RET: variants seen among roughly 807,000 people sequenced by gnomAD.
RET encodes the protein proto-oncogene tyrosine-protein kinase receptor Ret.
RET carries 19 observed loss-of-function variants against 118.3 expected under a neutral mutation model. The ratio of observed to expected loss-of-function variants is 0.16; its 90% CI spans 0.11 to 0.24. The LOEUF is 0.24. Ranked by LOEUF, RET falls within the 10% of genes least tolerant of loss-of-function variation. The pLI, the probability that RET is intolerant of heterozygous loss-of-function variation, is 1.00. For synonymous variants in RET, 597 were observed against 644.1 expected (o/e 0.93, Z 1.11); for missense variants, 1,219 against 1,502.1 (o/e 0.81, Z 3.12).
At position 43,104,969 on chromosome 10, in the gene RET, C is replaced by G; in HGVS notation, c.643C>G (p.Arg215Gly). 1 of 1,571,046 alleles carries G rather than the reference C, an allele frequency of 6.4e-7. No homozygotes were observed. Among genetic ancestry groups the G allele is most frequent in the African/African-American group, 1.3e-5 (1 of 74,554 alleles). Residue 215 changes from arginine to glycine, a missense_variant, in exon 4 of 20, where the codon CGC becomes GGC. Physicochemically the swap from Arg to Gly is moderately radical, Grantham distance 125. This residue lies in a region of RET where 850 missense variants were observed against 969.6 expected (regional missense o/e 0.88). Coordinates refer to ENST00000355710, the MANE Select transcript of RET (RefSeq NM_020975.6). ...GTGCGCAGGTGAGGGTCTGCCCTTC[C>G]GCTGCGCCCCGGACAGCCTGGAGGT... is the stretch of plus-strand genomic sequence containing the variant. Reference protein sequence around the residue: ...RLLEGEGLPFRCAPDSLEVST... With the variant: ...RLLEGEGLPFGCAPDSLEVST...
At chr10:43,110,107 C>G (rs979627745) in intron 6 of RET, among the ~76,000 whole-genome samples, 2 of 152,174 alleles carry the variant, frequency 1.3e-5, no homozygotes, top group Non-Finnish European at 2.9e-5. Context: ...CCTCCTTGGC[C>G]TTTAATGGGA....
At position 43,121,656 on chromosome 10, in the gene RET, A is replaced by G. The variant is rs2565202; in HGVS notation, c.2731-290A>G. The stretch of plus-strand genomic sequence containing the variant: ...TGCAGGGGGAGTTCCAGGCCCATGC[A>G]TAGGGAAGCACTGCTCTGCACTACC... On this transcript the variant is annotated intron_variant, in intron 15 of 19. Transcript: ENST00000355710. Among the ~76,000 whole-genome samples, 85,812 of 152,030 alleles carry G rather than the reference A, an allele frequency of 0.56. 24,790 individuals carry two copies. Among genetic ancestry groups the G allele is most frequent in the African/African-American group, 0.63 (25,935 of 41,460 alleles).
chr10:43,122,776 T>C (rs1838246592), intron 16 of RET, among the ~76,000 whole-genome samples: 1 of 152,100 alleles, frequency 6.6e-6, no homozygotes, highest in Admixed American at 6.5e-5. Context: ...CCTGGCTCAT[T>C]TTTTTGTATT....
chr10:43,111,196 T>C lies in RET; in HGVS notation c.1264-11T>C. On this transcript the variant is annotated splice_polypyrimidine_tract_variant and intron_variant, in intron 6 of 19. Coordinates refer to ENST00000355710, the MANE Select transcript of RET (RefSeq NM_020975.6). ...GCTGCCTGGCTAAGGTGTTCCCCTG[T>C]GCCCCCCTAGATCGGGAAAGTCTGT... The C allele has an allele frequency of 6.2e-7, 1 of 1,613,500 alleles. No individual in the cohort carries two copies. The highest frequency in any genetic ancestry group is 8.5e-7 in the Non-Finnish European group (1 of 1,179,946).
chr10:43,107,563 A>T (rs1225289805), intron 5 of RET, among the ~76,000 whole-genome samples: 1 of 94,298 alleles, frequency 1.1e-5, no homozygotes, highest in African/African-American at 5.1e-5. Context: ...CATGCCTCAC[A>T]CACACACACA....
chr10:43,112,066 C>A (rs2132794657), intron 7 of RET, 33 bp from the exon 8 acceptor site: 4 of 1,580,426 alleles, frequency 2.5e-6, no homozygotes, highest in Middle Eastern at 1.7e-4. Flanking sequence ...CCCAGGCCAG[C>A]CCCCTGTGAC....
At position 43,106,304 on chromosome 10, in the gene RET, A is replaced by G. The variant is rs145896881; in HGVS notation, c.868-72A>G. The G allele has an allele frequency of 1.5e-3, 2,143 of 1,439,662 alleles. 5 individuals are homozygous for G. The highest frequency in any genetic ancestry group is 1.9e-3 in the Non-Finnish European group (1,981 of 1,040,206). 89.2% of individuals were successfully genotyped at this position (1,439,662 alleles called of 1,614,324 possible). A position where few individuals can be genotyped will look rare whatever the true frequency, so the allele number is the denominator to read the frequency against. ...GGCTGTGTGGGACGTGCAGCATTCT[A>G]AGGTCTCTGGTTTTGGGGGGTCTGA... On this transcript the variant is annotated intron_variant, in intron 4 of 19. Transcript: ENST00000355710. This position sits in a 1 kb window ranked among gnomAD's most constrained non-coding sequence, Gnocchi z 5.1.
chr10:43,121,868 G>T, intron 15 of RET, 78 bp from the exon 16 acceptor site: 1 of 1,068,290 alleles, frequency 9.4e-7, no homozygotes, highest in South Asian at 1.3e-5. Flanking sequence ...CTCAGGGATA[G>T]GGCCTGGCCT....
At chr10:43,101,245 G>A (rs1054572918) in intron 2 of RET, among the ~76,000 whole-genome samples, 2 of 152,138 alleles carry the variant, frequency 1.3e-5, no homozygotes, top group Non-Finnish European at 2.9e-5. Flanking sequence ...GTAATGGGAG[G>A]GGTGGGGGGG....
At chr10:43,091,583 A>G (rs1474136363) in intron 1 of RET, among the ~76,000 whole-genome samples, 4 of 150,904 alleles carry the variant, frequency 2.7e-5, no homozygotes, top group Admixed American at 2.0e-4. Context: ...GTTAGCCGAG[A>G]TCGTGCCACT....
chr10:43,107,902 G>T (rs1837821207), intron 5 of RET, among the ~76,000 whole-genome samples: 1 of 152,162 alleles, frequency 6.6e-6, no homozygotes, highest in Non-Finnish European at 1.5e-5. Context: ...TTTACAGTTG[G>T]TTGAAAGAGT....
In RET at chr10:43,114,621, T is replaced by C. The variant is rs1163222438; in HGVS notation, c.2021T>C (p.Met674Thr). ...AAGCCACCCATCTCCTCAGCTGAGATGACCTTCCGGAGGCCCGCCCAGGCC... is the reference window on the plus strand; with the variant it reads ...AAGCCACCCATCTCCTCAGCTGAGACGACCTTCCGGAGGCCCGCCCAGGCC... ...AHKPPISSAE[M>T]TFRRPAQAFP... The change falls in exon 11 of 20, where the codon ATG (methionine) becomes ACG (threonine). Residue 674 changes from methionine to threonine, a missense_variant. Coordinates refer to ENST00000355710, the MANE Select transcript of RET (RefSeq NM_020975.6). The surrounding 1 kb of genome is among the most constrained non-coding windows in gnomAD (Gnocchi z 4.6). 1 of 1,613,146 alleles carries C rather than the reference T, an allele frequency of 6.2e-7. No homozygotes were observed.
chr10:43,116,576 C>T lies in RET; in HGVS notation c.2137-8C>T. 1 of 1,613,726 alleles carries T rather than the reference C, an allele frequency of 6.2e-7. No individual in the cohort carries two copies. The highest frequency in any genetic ancestry group is 8.5e-7 in the Non-Finnish European group (1 of 1,179,782). The stretch of plus-strand genomic sequence containing the variant: ...CCTCTTCTCCCCCTTCCCTCATTTC[C>T]AACATAGGAGGATCCAAAGTGGGAA... On this transcript the variant is annotated splice_polypyrimidine_tract_variant and splice_region_variant and intron_variant, in intron 11 of 19. Transcript: ENST00000355710.
chr10:43,125,974 G>A (rs1018565971), intron 18 of RET, among the ~76,000 whole-genome samples: 1 of 152,222 alleles, frequency 6.6e-6, no homozygotes, highest in African/African-American at 2.4e-5. Flanking sequence ...CATTCAAGCT[G>A]GGCATTGAAA....
intron 1 of RET, among the ~76,000 whole-genome samples, chr10:43,099,423 A>G (rs1837586264): frequency 1.3e-5 from 2 of 152,118 alleles, no homozygotes; most frequent in South Asian, 4.1e-4. Flanking sequence ...AGGCAGGAGA[A>G]TCGCTTGAAC....
intron 1 of RET, among the ~76,000 whole-genome samples, chr10:43,081,209 G>A (rs904820967): frequency 9.7e-4 from 141 of 145,218 alleles, no homozygotes; most frequent in African/African-American, 3.4e-3. Context: ...TTCCTTCTTT[G>A]GAGGCTGCTT....
chr10:43,094,091 T>TG (rs927385749), intron 1 of RET, among the ~76,000 whole-genome samples: 5 of 3,766 alleles, frequency 1.3e-3, no homozygotes, highest in Admixed American at 7.2e-3. Context: ...AGGGAAGCGG[T>TG]GGGGGGGTGG....
At chr10:43,117,779 G>A (rs565969970) in intron 12 of RET, among the ~76,000 whole-genome samples, 1 of 152,348 alleles carries the variant, frequency 6.6e-6, no homozygotes. Flanking sequence ...AATGTCAGGT[G>A]TGCAGTGCAC....
Position 43,126,683 on chromosome 10 carries a change from C to T in RET, c.3148C>T (p.Arg1050Ter), listed in dbSNP as rs767479170. The T allele has an allele frequency of 6.2e-7, 1 of 1,614,098 alleles. No homozygotes were observed. The highest frequency in any genetic ancestry group is 1.1e-5 in the South Asian group (1 of 91,072). The part of the protein sequence containing the change: ...LVDCNNAPLP[R>*]ALPSTWIENK... ...GGACTGTAATAATGCCCCCCTCCCT[C>T]GAGCCCTCCCTTCCACATGGATTGA... Residue 1050 changes from arginine to a stop codon, truncating the protein, a stop_gained, in exon 19 of 20, where the codon CGA becomes TGA. Transcript: ENST00000355710. LOFTEE classifies it high-confidence loss of function.
Sources: gnomAD v4.1 joint callset for allele counts (sites outside exome capture counted in the v4.1 genomes callset) on GRCh38, gnomAD v4.1.1 for gene constraint, gnomAD v4.1.1 regional missense constraint, Gnocchi (gnomAD v3.1) non-coding constraint, MANE v1.5 for transcripts, NCBI Gene and HGNC (gene_info 2026-07-23, HGNC 2026-07-21) for gene names.